Variants in HMCN2 observed in about 807,000 individuals in gnomAD.
HMCN2 encodes hemicentin 2, also known as hemicentin-2.
A neutral mutation model predicts 377.5 loss-of-function variants in HMCN2; 325 were observed. That is an observed-to-expected ratio of 0.86 (90% confidence interval 0.79 to 0.94). The LOEUF is 0.94. HMCN2 is among the 40% of genes least tolerant of loss of function. The pLI is 0.00. For missense variants in HMCN2, 4,543 were observed against 4,725.3 expected, an observed-to-expected ratio of 0.96 and a Z score of 1.13; for synonymous variants, 2,007 against 2,046.8, an observed-to-expected ratio of 0.98 and a Z score of 0.53.
At chr9:130,310,668 T>G (rs912519523) in intron 15 of HMCN2, among the ~76,000 whole-genome samples, 13 of 151,588 alleles carry the variant, frequency 8.6e-5, no homozygotes, top group South Asian at 8.3e-4. Context: ...CCCATGGGTG[T>G]GAACACGAGG....
At chr9:130,270,228 GTT>G (rs11381589) in intron 1 of HMCN2, among the ~76,000 whole-genome samples, 3 of 142,328 alleles carry the variant, frequency 2.1e-5, no homozygotes, top group Non-Finnish European at 3.1e-5. Flanking sequence ...GAAATCTATT[GTT>G]TTTTTTCTTT....
chr9:130,281,687 A>G (rs1456770860), intron 1 of HMCN2, among the ~76,000 whole-genome samples: 3 of 151,988 alleles, frequency 2.0e-5, no homozygotes, highest in African/African-American at 7.3e-5. Context: ...TGAGGTCAGG[A>G]GTTTGAGACC....
At chr9:130,417,451 G>A (rs7027310) in intron 85 of HMCN2, among the ~76,000 whole-genome samples, 24,832 of 150,338 alleles carry the variant, frequency 0.17, 2,559 homozygotes, top group East Asian at 0.4. Context: ...GAAGCCGGGA[G>A]GCAGAGGTTG....
intron 14 of HMCN2, among the ~76,000 whole-genome samples, chr9:130,309,445 G>A (rs190384868): frequency 1.1e-4 from 16 of 145,030 alleles, no homozygotes; most frequent in Non-Finnish European, 2.2e-4. Flanking sequence ...AACCTGGGAG[G>A]TAGAGGTTGC....
At chr9:130,295,802 C>T (rs1298605333) in intron 6 of HMCN2, 30 bp downstream of exon 6, 3 of 468,922 alleles carry the variant, frequency 6.4e-6, no homozygotes, top group African/African-American at 4.0e-5. Flanking sequence ...GGAGAAAGGT[C>T]GACTAGCTTT....
At chr9:130,274,885 C>G (rs781868860) in intron 1 of HMCN2, among the ~76,000 whole-genome samples, 4 of 152,138 alleles carry the variant, frequency 2.6e-5, no homozygotes, top group Non-Finnish European at 5.9e-5. Context: ...CCCACCCATC[C>G]CCCTACTGTG....
intron 7 of HMCN2, among the ~76,000 whole-genome samples, chr9:130,297,426 T>G (rs190149891): frequency 3.9e-5 from 6 of 152,288 alleles, no homozygotes; most frequent in Admixed American, 1.3e-4. Flanking sequence ...CGAGGCAGGT[T>G]TCTGGTGCGG....
chr9:130,310,263 A>G (rs1837170038), intron 15 of HMCN2, among the ~76,000 whole-genome samples: 1 of 152,214 alleles, frequency 6.6e-6, no homozygotes, highest in African/African-American at 2.4e-5. Flanking sequence ...ATAGCCCCCA[A>G]ATTGTGTGGC....
intron 22 of HMCN2, among the ~76,000 whole-genome samples, chr9:130,333,112 A>G (rs1364576386): frequency 6.6e-6 from 1 of 152,174 alleles, no homozygotes; most frequent in African/African-American, 2.4e-5. Flanking sequence ...GCAATTTGCC[A>G]TGAAATATTT....
At position 130,430,341 on chromosome 9, in the gene HMCN2, A is replaced by G. The variant is rs1844660929; in HGVS notation, c.14384A>G (p.Gln4795Arg). Residue 4795 changes from glutamine to arginine, a missense_variant, in exon 95 of 98, where the codon CAG becomes CGG. This residue lies in a region of HMCN2 where 1,155 missense variants were observed against 1,157.7 expected (regional missense o/e 1.00). Transcript: ENST00000683500. ...KACAYQCHNLQGSYRCLCPPG... is the reference protein window; with the variant it reads ...KACAYQCHNLRGSYRCLCPPG... ...TGCGCCTACCAGTGCCACAACCTCC[A>G]GGGCAGCTACCGCTGCCTGTGCCCC... 1.3e-6 allele frequency: 2 copies of G among 1,548,106 alleles called. No individual in the cohort carries two copies. Among genetic ancestry groups the G allele is most frequent in the Non-Finnish European group, 1.7e-6 (2 of 1,146,894 alleles).
At chr9:130,283,600 C>G (rs573119298) in intron 1 of HMCN2, among the ~76,000 whole-genome samples, 1 of 152,208 alleles carries the variant, frequency 6.6e-6, no homozygotes, top group Non-Finnish European at 1.5e-5. Flanking sequence ...AGTCAAGCTC[C>G]TCAGGCAACC....
At chr9:130,346,017 G>A (rs1260226366) in intron 25 of HMCN2, among the ~76,000 whole-genome samples, 3 of 152,056 alleles carry the variant, frequency 2.0e-5, no homozygotes, top group African/African-American at 7.2e-5. Flanking sequence ...CTGGGCCCCC[G>A]CTGCCAGGGG....
intron 62 of HMCN2, among the ~76,000 whole-genome samples, chr9:130,390,082 G>A (rs1217896973): frequency 6.6e-6 from 1 of 152,166 alleles, no homozygotes; most frequent in African/African-American, 2.4e-5. Context: ...CGCCTCTCGC[G>A]GGTCAGGTGG....
chr9:130,379,424 G>A lies in HMCN2; in HGVS notation c.8388G>A (p.Glu2796=), dbSNP rs151125530. The stretch of plus-strand genomic sequence containing the variant: ...CCCCGGACCTCACCTGGTACAGAGA[G>A]GATCAGCCCCTCTCGGCCGGGGATG... ...IPPPDLTWYR[E]DQPLSAGDEV... Residue 2796 remains glutamate (E), a synonymous_variant, in exon 54 of 98, where the codon GAG becomes GAA. Coordinates refer to ENST00000683500, the MANE Select transcript of HMCN2 (RefSeq NM_001291815.2). 8.6e-4 allele frequency: 852 copies of A among 985,890 alleles called. 2 individuals are homozygous for A. In the African/African-American group the frequency reaches 0.011, roughly 13 times the overall value. 61.1% of individuals were successfully genotyped at this position (985,890 alleles called of 1,614,324 possible). A position where few individuals can be genotyped will look rare whatever the true frequency, so the allele number is the denominator to read the frequency against.
intron 15 of HMCN2, among the ~76,000 whole-genome samples, chr9:130,316,709 T>G (rs897251139): frequency 3.3e-5 from 5 of 152,212 alleles, no homozygotes; most frequent in African/African-American, 1.2e-4. Flanking sequence ...GGGTCATTCC[T>G]GTGGAGCCAC....
intron 56 of HMCN2, among the ~76,000 whole-genome samples, chr9:130,383,231 G>T (rs4740199): frequency 2.6e-5 from 4 of 151,092 alleles, no homozygotes; most frequent in Admixed American, 2.0e-4. Flanking sequence ...GGGGACCCTG[G>T]GAGCCCAACA....
rs568844824 is a variant in HMCN2, at chr9:130,403,386, G to T, written c.12013+58G>T. The T allele has an allele frequency of 1.4e-4, 177 of 1,282,074 alleles. No homozygotes were observed. In the African/African-American group the frequency reaches 2.3e-3, roughly 17 times the overall value. 79.4% of individuals were successfully genotyped at this position (1,282,074 alleles called of 1,614,324 possible). ...AAGAGAAGAGCGTGGGTCTGGGCAG[G>T]GGGGGAGTCCTGCTTCCTGCCCTGG... On this transcript the variant is annotated intron_variant, in intron 79 of 97. Transcript: ENST00000683500.
Position 130,385,727 on chromosome 9 carries a change from C to T in HMCN2, c.9274C>T (p.Arg3092Trp), listed in dbSNP as rs553943150. The T allele has an allele frequency of 2.6e-4, 337 of 1,304,026 alleles. 1 individual carries two copies. The African/African-American group carries it at 2.7e-3, about 10-fold the overall frequency. The allele number at this position is 1,304,026 out of a possible 1,614,324, so 80.8% of individuals were successfully genotyped here. The change falls in exon 60 of 98, where the codon CGG becomes TGG. Residue 3092 changes from arginine (R) to tryptophan (W), a missense_variant. This residue lies in a region of HMCN2 where 736 missense variants were observed against 773.2 expected (regional missense o/e 0.95). Transcript: ENST00000683500. ...CCTGGCACAGCGGACCCAGGCTCTG[C>T]GGGGTGGGCAGAGGCTGGAGATCCA... The part of the protein sequence containing the change: ...LVLAQRTQAL[R>W]GGQRLEIQEA...
intron 22 of HMCN2, among the ~76,000 whole-genome samples, chr9:130,335,172 C>G (rs1307447979): frequency 6.6e-6 from 1 of 152,112 alleles, no homozygotes; most frequent in Non-Finnish European, 1.5e-5. Context: ...TAGCCCAGAC[C>G]TCTTCCTACT....
Sources: gnomAD v4.1 joint callset for allele counts (sites outside exome capture counted in the v4.1 genomes callset) on GRCh38, gnomAD v4.1.1 for gene constraint, gnomAD v4.1.1 regional missense constraint, MANE v1.5 for transcripts, NCBI Gene and HGNC (gene_info 2026-07-23, HGNC 2026-07-21) for gene names.